AGXT2: variants seen among roughly 807,000 people sequenced by gnomAD.
AGXT2 encodes the protein alanine--glyoxylate aminotransferase 2, mitochondrial.
Under a neutral mutation model 62.5 loss-of-function variants are expected in AGXT2, and 61 were observed. That is an observed-to-expected ratio of 0.98 (90% confidence interval 0.79 to 1.21). The LOEUF (loss-of-function observed/expected upper bound fraction) is 1.21. Ranked by LOEUF, AGXT2 falls within the 50% of genes most tolerant of loss-of-function variation. AGXT2 has a pLI of 0.00. For missense variants in AGXT2, 666 were observed against 641.5 expected (o/e 1.04, Z -0.41); for synonymous variants, 243 against 218.7 (o/e 1.11, Z -0.98).
intron 13 of AGXT2, among the ~76,000 whole-genome samples, chr5:34,999,887 C>T (rs143643984): frequency 1.3e-5 from 2 of 152,306 alleles, no homozygotes; most frequent in Non-Finnish European, 2.9e-5. Flanking sequence ...CTCCCATCTC[C>T]TTCACTCCAG....
intron 12 of AGXT2, among the ~76,000 whole-genome samples, chr5:35,009,134 TG>T (rs1349828775): frequency 6.6e-6 from 1 of 151,964 alleles, no homozygotes; most frequent in East Asian, 1.9e-4. Flanking sequence ...ATATCTGGTT[TG>T]GGGGAAGATG....
chr5:35,012,894 T>A, intron 11 of AGXT2, 60 bp downstream of exon 11: 1 of 1,396,118 alleles, frequency 7.2e-7, no homozygotes, highest in Non-Finnish European at 9.9e-7. Context: ...CTAATGCATG[T>A]GTGGTTTTGA....
At chr5:35,031,329 C>T (rs1281086107) in intron 7 of AGXT2, among the ~76,000 whole-genome samples, 1 of 152,178 alleles carries the variant, frequency 6.6e-6, no homozygotes, top group African/African-American at 2.4e-5. Flanking sequence ...GACATCTTGT[C>T]TTCTTTCACT....
Position 35,003,773 on chromosome 5 carries a change from A to T in AGXT2, c.1427T>A (p.Ile476Asn). ...CAGTCTTTCTCTTACCTGAGAAAAA[A>T]TGCTGCCTCTGCCAACGAGGAGTCC... ...HMGLLVGRGS[I>N]FSQTFRIAPS... The change falls in exon 13 of 14, where the codon ATT becomes AAT. Residue 476 changes from isoleucine to asparagine, a missense_variant. By Grantham distance (149) the Ile-to-Asn change is moderately radical (BLOSUM62 -3). Transcript: ENST00000231420. The T allele has an allele frequency of 6.2e-7, 1 of 1,614,134 alleles. No individual in the cohort carries two copies. The highest frequency in any genetic ancestry group is 8.5e-7 in the Non-Finnish European group (1 of 1,179,998).
rs1766699818 is a variant in AGXT2 at position 35,012,951 on chromosome 5, A to C, written c.1188+3T>G. 3.2e-6 allele frequency: 5 copies of C among 1,551,694 alleles called. No homozygotes were observed. The highest frequency in any genetic ancestry group is 4.4e-6 in the Non-Finnish European group (5 of 1,146,948). On this transcript the variant is annotated splice_donor_region_variant and intron_variant, in intron 11 of 13. Coordinates refer to ENST00000231420, the MANE Select transcript of AGXT2 (RefSeq NM_031900.4). Reference sequence around the variant, plus strand: ...TGAGGTTAATGTGGCCGCTGGAACCAACCTCAAGCACAGCAGATCCAATGG... The same window carrying C: ...TGAGGTTAATGTGGCCGCTGGAACCCACCTCAAGCACAGCAGATCCAATGG...
chr5:35,003,534 T>C (rs1766313207), intron 13 of AGXT2, among the ~76,000 whole-genome samples: 1 of 151,622 alleles, frequency 6.6e-6, no homozygotes, highest in Non-Finnish European at 1.5e-5. Context: ...CAAACCATTT[T>C]CACTCAGCGC....
chr5:35,037,094 G>A, intron 3 of AGXT2, 29 bp from the exon 4 acceptor site: 1 of 1,613,128 alleles, frequency 6.2e-7, no homozygotes, highest in Non-Finnish European at 8.5e-7. Flanking sequence ...AGAGTTACCT[G>A]CACTGCGTGC....
At chr5:35,019,461 C>A (rs896136769) in intron 9 of AGXT2, among the ~76,000 whole-genome samples, 15 of 151,530 alleles carry the variant, frequency 9.9e-5, no homozygotes, top group Non-Finnish European at 1.6e-4. Context: ...GAACAACCTG[C>A]TCCTGAATGA....
chr5:35,014,087 G>A lies in AGXT2; in HGVS notation c.996C>T (p.His332=). ...VQTGFGRLGS[H]FWGFQTHDVL... ...CATCGTGGGTTTGGAAGCCCCAGAAGTGAGAGCCCAACCTTCCAAATCCTG... is the reference window on the plus strand; with the variant it reads ...CATCGTGGGTTTGGAAGCCCCAGAAATGAGAGCCCAACCTTCCAAATCCTG... The change falls in exon 10 of 14, where the codon CAC becomes CAT. Residue 332 remains histidine, a synonymous_variant. Transcript: ENST00000231420. 2 of 1,614,122 alleles carry A rather than the reference G, an allele frequency of 1.2e-6. No homozygotes were observed. The highest frequency in any genetic ancestry group is 8.5e-7 in the Non-Finnish European group (1 of 1,180,024).
intron 1 of AGXT2, among the ~76,000 whole-genome samples, chr5:35,044,186 A>G (rs192915835): frequency 8.9e-4 from 136 of 152,260 alleles, no homozygotes; most frequent in African/African-American, 3.2e-3. Context: ...TCCCTCACTG[A>G]TATTGACGTT....
At chr5:35,029,417 CCT>C (rs1347220994) in intron 7 of AGXT2, among the ~76,000 whole-genome samples, 1 of 152,154 alleles carries the variant, frequency 6.6e-6, no homozygotes, top group African/African-American at 2.4e-5. Flanking sequence ...GACTTTTTTC[CCT>C]CTCTGCCCAC....
intron 1 of AGXT2, among the ~76,000 whole-genome samples, chr5:35,045,625 G>C (rs1768158819): frequency 6.6e-6 from 1 of 152,098 alleles, no homozygotes; most frequent in Non-Finnish European, 1.5e-5. Context: ...TGTGTGTTTG[G>C]ATGAGCAAGC....
At position 35,003,751 on chromosome 5, in the gene AGXT2, T is replaced by G; in HGVS notation, c.1437+12A>C. 6.2e-7 allele frequency: 1 copy of G among 1,610,446 alleles called. No individual in the cohort carries two copies. The highest frequency in any genetic ancestry group is 1.1e-5 in the South Asian group (1 of 90,990). On this transcript the variant is annotated intron_variant, in intron 13 of 13. Coordinates refer to ENST00000231420, the MANE Select transcript of AGXT2 (RefSeq NM_031900.4). ...ACCTAGAGCGATAGGTAAAAACCAGTCTTTCTCTTACCTGAGAAAAAATGC... is the reference window on the plus strand; with the variant it reads ...ACCTAGAGCGATAGGTAAAAACCAGGCTTTCTCTTACCTGAGAAAAAATGC...
At chr5:35,024,291 G>C (rs946725102) in intron 9 of AGXT2, among the ~76,000 whole-genome samples, 1 of 152,146 alleles carries the variant, frequency 6.6e-6, no homozygotes, top group African/African-American at 2.4e-5. Context: ...ACCTGTCCTT[G>C]GCTGGTCTAA....
At position 35,025,677 on chromosome 5, in the gene AGXT2, C is replaced by T. The variant is rs1580594286; in HGVS notation, c.963+86G>A. The T allele has an allele frequency of 3.5e-6, 5 of 1,411,284 alleles. No individual in the cohort carries two copies. In the East Asian group the frequency reaches 9.2e-5, roughly 26 times the overall value. 87.4% of individuals were successfully genotyped at this position (1,411,284 alleles called of 1,614,324 possible). ...AATTCACAGAGCAGAGGCTTTCTGC[C>T]TGGAACACAGAGGAAGTTTAGGAGG... On this transcript the variant is annotated intron_variant, in intron 9 of 13. Coordinates refer to ENST00000231420, the MANE Select transcript of AGXT2 (RefSeq NM_031900.4).
At chr5:35,026,594 G>T in intron 7 of AGXT2, 84 bp from the exon 8 acceptor site, 35 of 902,810 alleles carry the variant, frequency 3.9e-5, no homozygotes, top group East Asian at 2.0e-4. Flanking sequence ...GGAAAAACAG[G>T]AAAAAAAAAA....
chr5:35,013,480 A>G (rs927243625), intron 10 of AGXT2, among the ~76,000 whole-genome samples: 1 of 152,168 alleles, frequency 6.6e-6, no homozygotes, highest in Admixed American at 6.5e-5. Flanking sequence ...CCCTACAGGT[A>G]GATCAGAATG....
At chr5:35,043,722 G>A (rs1377930735) in intron 1 of AGXT2, among the ~76,000 whole-genome samples, 1 of 152,056 alleles carries the variant, frequency 6.6e-6, no homozygotes, top group Non-Finnish European at 1.5e-5. Flanking sequence ...ACTTTTAATA[G>A]ACATGGGGTC....
intron 6 of AGXT2, 46 bp downstream of exon 6, chr5:35,033,414 T>C (rs372701134): frequency 5.6e-6 from 8 of 1,418,672 alleles, no homozygotes; most frequent in Non-Finnish European, 8.0e-6. Flanking sequence ...CTACTTCACA[T>C]ACCCAGCAGT....
Sources: allele counts gnomAD v4.1 joint callset (sites outside exome capture counted in the v4.1 genomes callset), GRCh38; gene constraint gnomAD v4.1.1; transcripts MANE v1.5; gene names NCBI Gene and HGNC (gene_info 2026-07-23, HGNC 2026-07-21).